Variants in BRINP3 observed in about 807,000 individuals in gnomAD.
BRINP3 encodes BMP/retinoic acid-inducible neural-specific protein 3.
In BRINP3, 19 loss-of-function variants were observed where a neutral mutation model predicts 71.0. The ratio of observed to expected loss-of-function variants is 0.27; its 90% CI spans 0.19 to 0.39. The LOEUF (loss-of-function observed/expected upper bound fraction) is 0.39. Ranked by LOEUF, BRINP3 falls within the 10% of genes least tolerant of loss-of-function variation. The probability of loss-of-function intolerance (pLI) is 1.00; values close to 1 mark genes in which losing one functional copy is unlikely to be tolerated. For synonymous variants in BRINP3, 380 were observed against 337.7 expected (o/e 1.13, Z -1.37); for missense variants, 959 against 940.8 (o/e 1.02, Z -0.25).
chr1:190,202,060 G>T (rs982833106), intron 6 of BRINP3, among the ~76,000 whole-genome samples: 1 of 152,108 alleles, frequency 6.6e-6, no homozygotes, highest in Non-Finnish European at 1.5e-5. Context: ...TGCACCATAT[G>T]CCTGGAAAAG....
At chr1:190,306,825 A>G (rs1442078137) in intron 2 of BRINP3, among the ~76,000 whole-genome samples, 2 of 152,032 alleles carry the variant, frequency 1.3e-5, no homozygotes, top group East Asian at 3.9e-4. Flanking sequence ...TAGATGGAGT[A>G]ATTCTTATGC....
chr1:190,187,730 G>T (rs1425782880), intron 6 of BRINP3, among the ~76,000 whole-genome samples: 5 of 151,796 alleles, frequency 3.3e-5, no homozygotes, highest in Admixed American at 3.3e-4. Context: ...TATTCAATTG[G>T]TCTATTTCCA....
At chr1:190,206,401 C>T (rs1486101095) in intron 6 of BRINP3, among the ~76,000 whole-genome samples, 3 of 151,772 alleles carry the variant, frequency 2.0e-5, no homozygotes, top group Non-Finnish European at 4.4e-5. Flanking sequence ...CTGCAAAAAG[C>T]TCAAGGTGTG....
chr1:190,433,564 T>C (rs1444401767), intron 2 of BRINP3, among the ~76,000 whole-genome samples: 1 of 152,136 alleles, frequency 6.6e-6, no homozygotes, highest in Non-Finnish European at 1.5e-5. Flanking sequence ...AGAGATACCA[T>C]CTCTTACTAT....
intron 2 of BRINP3, among the ~76,000 whole-genome samples, chr1:190,392,275 A>G (rs1671300405): frequency 6.6e-6 from 1 of 151,732 alleles, no homozygotes; most frequent in African/African-American, 2.4e-5. Flanking sequence ...TGTCAATAAT[A>G]TAGATAATAT....
intron 6 of BRINP3, among the ~76,000 whole-genome samples, chr1:190,163,100 A>G (rs919272601): frequency 1.3e-5 from 2 of 152,078 alleles, no homozygotes; most frequent in Admixed American, 6.6e-5. Context: ...CTTTTCTTTT[A>G]TTGTTGGCAA....
chr1:190,324,274 T>A (rs1010203685), intron 2 of BRINP3, among the ~76,000 whole-genome samples: 3 of 151,884 alleles, frequency 2.0e-5, no homozygotes, highest in Non-Finnish European at 4.4e-5. Context: ...TAAAAATAAG[T>A]TGAAAATTAA....
chr1:190,447,370 T>C (rs1016254783), intron 2 of BRINP3, among the ~76,000 whole-genome samples: 32 of 147,488 alleles, frequency 2.2e-4, no homozygotes, highest in Non-Finnish European at 4.8e-4. Flanking sequence ...TATATATTTG[T>C]GAATAGCTTA....
At chr1:190,457,020 C>T (rs1401709340) in intron 1 of BRINP3, among the ~76,000 whole-genome samples, 3 of 152,076 alleles carry the variant, frequency 2.0e-5, no homozygotes, top group African/African-American at 7.2e-5. Context: ...GAAAACAGTT[C>T]TTTGAAAATG....
intron 2 of BRINP3, among the ~76,000 whole-genome samples, chr1:190,338,438 G>A (rs1448316051): frequency 1.3e-5 from 2 of 151,852 alleles, no homozygotes; most frequent in African/African-American, 4.8e-5. Context: ...GTAATCTAAG[G>A]GCTACTTATC....
At chr1:190,343,756 T>C (rs1204062979) in intron 2 of BRINP3, among the ~76,000 whole-genome samples, 1 of 151,614 alleles carries the variant, frequency 6.6e-6, no homozygotes, top group Non-Finnish European at 1.5e-5. Flanking sequence ...TCAATTACAC[T>C]AATAAGGACA....
chr1:190,208,697 G>A lies in BRINP3; in HGVS notation c.961+17385C>T, dbSNP rs753622513. Among the ~76,000 whole-genome samples the A allele has an allele frequency of 1.6e-4, 25 of 151,738 alleles. 1 individual carries two copies. Among genetic ancestry groups the A allele is most frequent in the Non-Finnish European group, 2.9e-4 (20 of 67,934 alleles). Reference sequence around the variant, plus strand: ...TTTAGTAGAGACGGGATTTCACCATGTGGCCCAGGCTGGACTCTAACTCCT... The same window carrying A: ...TTTAGTAGAGACGGGATTTCACCATATGGCCCAGGCTGGACTCTAACTCCT... On this transcript the variant is annotated intron_variant, in intron 6 of 7. Transcript: ENST00000367462.
intron 6 of BRINP3, among the ~76,000 whole-genome samples, chr1:190,211,118 G>A (rs184475914): frequency 7.9e-5 from 12 of 152,024 alleles, no homozygotes; most frequent in Admixed American, 2.6e-4. Flanking sequence ...CTAGCTCCTC[G>A]ACTTGCAGAC....
At chr1:190,203,333 A>T (rs992758887) in intron 6 of BRINP3, among the ~76,000 whole-genome samples, 1 of 151,832 alleles carries the variant, frequency 6.6e-6, no homozygotes, top group African/African-American at 2.4e-5. Flanking sequence ...GGACCATGAG[A>T]TGCAGTTGGG....
chr1:190,418,994 T>C (rs1325983232), intron 2 of BRINP3, among the ~76,000 whole-genome samples: 1 of 152,168 alleles, frequency 6.6e-6, no homozygotes, highest in Non-Finnish European at 1.5e-5. Context: ...TTTGTGTTTC[T>C]GATACTAAAT....
intron 2 of BRINP3, among the ~76,000 whole-genome samples, chr1:190,444,025 G>C (rs1176628700): frequency 2.6e-5 from 4 of 152,042 alleles, no homozygotes; most frequent in African/African-American, 4.8e-5. Context: ...CTAAGGTTGG[G>C]AGTTCGAGAC....
intron 2 of BRINP3, among the ~76,000 whole-genome samples, chr1:190,339,323 A>T (rs543211459): frequency 6.6e-6 from 1 of 151,944 alleles, no homozygotes; most frequent in Non-Finnish European, 1.5e-5. Flanking sequence ...ACTAGAAAAA[A>T]ACAAAGTCAG....
At chr1:190,133,374 A>C (rs1654702763) in intron 7 of BRINP3, among the ~76,000 whole-genome samples, 1 of 152,130 alleles carries the variant, frequency 6.6e-6, no homozygotes, top group Non-Finnish European at 1.5e-5. Flanking sequence ...AAATATATGC[A>C]TTATAACTTA....
At chr1:190,278,526 C>T (rs950407014) in intron 3 of BRINP3, among the ~76,000 whole-genome samples, 21 of 151,614 alleles carry the variant, frequency 1.4e-4, no homozygotes, top group East Asian at 1.4e-3. Context: ...ACATTTTAAT[C>T]GCAGATATCT....
Sources: allele counts gnomAD v4.1 joint callset (sites outside exome capture counted in the v4.1 genomes callset), GRCh38; gene constraint gnomAD v4.1.1; transcripts MANE v1.5; gene names NCBI Gene and HGNC (gene_info 2026-07-23, HGNC 2026-07-21).